The following CMPK1 variants were observed in gnomAD, a reference collection of about 807,000 sequenced individuals.
CMPK1 encodes the protein UMP-CMP kinase.
CMPK1 carries 10 observed loss-of-function variants against 25.7 expected under a neutral mutation model. The observed-to-expected ratio is 0.39, with a 90% CI of 0.24 to 0.66. The LOEUF (loss-of-function observed/expected upper bound fraction) is 0.66, where lower values mean the gene tolerates loss of function less well. Among genes scored for constraint, CMPK1 ranks in the 30% least tolerant of loss-of-function variants. CMPK1 has a pLI of 0.48. For missense variants in CMPK1, 199 were observed against 280.5 expected (o/e 0.71, Z 2.08); for synonymous variants, 106 against 101.5 (o/e 1.04, Z -0.27).
At chr1:47,362,763 A>T (rs1646612843) in intron 1 of CMPK1, among the ~76,000 whole-genome samples, 1 of 152,250 alleles carries the variant, frequency 6.6e-6, no homozygotes, top group Admixed American at 6.5e-5. Flanking sequence ...TGAAATATGC[A>T]TGGTCAAATG....
intron 3 of CMPK1, 123 bp downstream of exon 3, chr1:47,373,230 T>C: frequency 4.6e-6 from 4 of 871,572 alleles, no homozygotes; most frequent in Non-Finnish European, 6.7e-6. Context: ...ATTGGTAGAT[T>C]GGATGGACGG....
Position 47,375,248 on chromosome 1 carries a change from A to G in CMPK1, c.600A>G (p.Glu200=). 1 of 1,608,902 alleles carries G rather than the reference A, an allele frequency of 6.2e-7. No homozygotes were observed. Among genetic ancestry groups the G allele is most frequent in the Non-Finnish European group, 8.5e-7 (1 of 1,178,678 alleles). ...AGCCAATTATTGACTTATATGAAGA[A>G]ATGGGGAAAGTCAAGAAAATAGATG... The part of the protein sequence containing the change: ...STKPIIDLYE[E]MGKVKKIDAS... The change falls in exon 5 of 6, where the codon GAA becomes GAG. Residue 200 remains glutamate, a synonymous_variant. Coordinates refer to ENST00000371873, the MANE Select transcript of CMPK1 (RefSeq NM_016308.3).
In CMPK1 at chr1:47,376,821, G is replaced by T. The variant is rs1646711434; in HGVS notation, c.*76G>T. Reference sequence around the variant, plus strand: ...GCTGCTATCATGACCCCTTTTTAAGGCAATTCTAATCTTTCATAACTACAT... The same window carrying T: ...GCTGCTATCATGACCCCTTTTTAAGTCAATTCTAATCTTTCATAACTACAT... On this transcript the variant is annotated 3_prime_UTR_variant, in exon 6 of 6. Coordinates refer to ENST00000371873, the MANE Select transcript of CMPK1 (RefSeq NM_016308.3). 8 of 810,224 alleles carry T rather than the reference G, an allele frequency of 9.9e-6. No homozygotes were observed. Among genetic ancestry groups the T allele is most frequent in the Middle Eastern group, 4.8e-4 (2 of 4,132 alleles). The allele number at this position is 810,224 out of a possible 1,614,324, so 50.2% of individuals were successfully genotyped here. A position where few individuals can be genotyped will look rare whatever the true frequency, so the allele number is the denominator to read the frequency against.
intron 2 of CMPK1, among the ~76,000 whole-genome samples, chr1:47,372,561 A>G (rs1033114065): frequency 3.3e-5 from 5 of 152,158 alleles, no homozygotes; most frequent in African/African-American, 1.2e-4. Flanking sequence ...TGCTGGAGCA[A>G]AGATAATGGT....
At chr1:47,374,754 G>A (rs575002047) in intron 3 of CMPK1, among the ~76,000 whole-genome samples, 155 bp from the exon 4 acceptor site, 19 of 152,228 alleles carry the variant, frequency 1.2e-4, no homozygotes, top group Non-Finnish European at 2.1e-4. Context: ...ACATGTTTAC[G>A]TTTAAAAGGA....
intron 1 of CMPK1, among the ~76,000 whole-genome samples, chr1:47,338,787 G>A (rs895448269): frequency 4.0e-5 from 6 of 151,784 alleles, no homozygotes; most frequent in Admixed American, 3.3e-4. Context: ...CAATAATTTA[G>A]TTATAAAATC....
chr1:47,343,248 A>T (rs1023569301), intron 1 of CMPK1, among the ~76,000 whole-genome samples: 5 of 151,800 alleles, frequency 3.3e-5, no homozygotes, highest in Admixed American at 3.3e-4. Flanking sequence ...TGGCCTCCCA[A>T]AGTGCTGGGA....
chr1:47,356,951 G>A (rs1214495760), intron 1 of CMPK1, among the ~76,000 whole-genome samples: 1 of 145,098 alleles, frequency 6.9e-6, no homozygotes, highest in Non-Finnish European at 1.5e-5. Context: ...ATGAGCCACC[G>A]CACCTGGTCT....
intron 1 of CMPK1, among the ~76,000 whole-genome samples, chr1:47,367,037 C>G (rs1265451484): frequency 6.6e-6 from 1 of 151,738 alleles, no homozygotes; most frequent in Non-Finnish European, 1.5e-5. Flanking sequence ...TTTTTTCTTT[C>G]TTTTAAAAAA....
At chr1:47,363,835 C>T (rs12718447) in intron 1 of CMPK1, among the ~76,000 whole-genome samples, 38,114 of 148,266 alleles carry the variant, frequency 0.26, 5,116 homozygotes, top group Middle Eastern at 0.33. Flanking sequence ...CCCAGCTCCT[C>T]GGGACGTTGA....
intron 1 of CMPK1, among the ~76,000 whole-genome samples, chr1:47,335,214 G>A (rs1047291789): frequency 2.6e-5 from 4 of 152,102 alleles, no homozygotes; most frequent in African/African-American, 7.2e-5. Flanking sequence ...TATTAGCATG[G>A]GGCTTTTGCT....
At chr1:47,369,930 G>A (rs61284456) in intron 2 of CMPK1, among the ~76,000 whole-genome samples, 30,511 of 103,792 alleles carry the variant, frequency 0.29, 4,823 homozygotes, top group East Asian at 0.54. Flanking sequence ...TTTTTTTGGC[G>A]GGGAGACGGA....
chr1:47,373,845 G>T (rs1338597510), intron 3 of CMPK1, among the ~76,000 whole-genome samples: 1 of 151,780 alleles, frequency 6.6e-6, no homozygotes, highest in Non-Finnish European at 1.5e-5. Flanking sequence ...TTTGTCTTAA[G>T]AGTGAAATGA....
chr1:47,337,915 A>G (rs932072702), intron 1 of CMPK1, among the ~76,000 whole-genome samples: 1 of 152,106 alleles, frequency 6.6e-6, no homozygotes, highest in African/African-American at 2.4e-5. Context: ...CCGGCCTGGA[A>G]TATCTATTGT....
intron 1 of CMPK1, among the ~76,000 whole-genome samples, chr1:47,365,241 C>A (rs1381192298): frequency 6.6e-6 from 1 of 150,982 alleles, no homozygotes; most frequent in Admixed American, 6.6e-5. Context: ...CAAAGACTTG[C>A]CATTTGTGCA....
At chr1:47,350,927 A>G (rs1646518509) in intron 1 of CMPK1, among the ~76,000 whole-genome samples, 1 of 151,840 alleles carries the variant, frequency 6.6e-6, no homozygotes, top group African/African-American at 2.4e-5. Context: ...AAGAAAAGAA[A>G]AATTGGAAAA....
chr1:47,334,206 C>T, intron 1 of CMPK1, 90 bp downstream of exon 1: 2 of 1,157,170 alleles, frequency 1.7e-6, no homozygotes, highest in Non-Finnish European at 2.2e-6. Flanking sequence ...CCCGCGGAGT[C>T]GCCGAGCCGC....
chr1:47,372,673 C>A (rs760394110), intron 2 of CMPK1, among the ~76,000 whole-genome samples: 2 of 152,022 alleles, frequency 1.3e-5, no homozygotes, highest in Non-Finnish European at 2.9e-5. Flanking sequence ...AATTTGGAAA[C>A]CACAGAAAAA....
intron 1 of CMPK1, among the ~76,000 whole-genome samples, chr1:47,360,651 T>G (rs1646595519): frequency 6.6e-6 from 1 of 152,256 alleles, no homozygotes; most frequent in African/African-American, 2.4e-5. Flanking sequence ...ATTTTATAGA[T>G]GCAAGTCACT....
Sources: gnomAD v4.1 joint callset for allele counts (sites outside exome capture counted in the v4.1 genomes callset) on GRCh38, gnomAD v4.1.1 for gene constraint, MANE v1.5 for transcripts, NCBI Gene and HGNC (gene_info 2026-07-23, HGNC 2026-07-21) for gene names.